ABCB1: variants seen among roughly 807,000 people sequenced by gnomAD.
ABCB1 encodes ATP binding cassette subfamily B member 1, also known as ATP-dependent translocase ABCB1.
In ABCB1, 69 loss-of-function variants were observed where a neutral mutation model predicts 142.0. The observed-to-expected ratio is 0.49, with a 90% CI of 0.40 to 0.59. The LOEUF (loss-of-function observed/expected upper bound fraction) is 0.59, where lower values mean the gene tolerates loss of function less well. Ranked by LOEUF, ABCB1 falls within the 20% of genes least tolerant of loss-of-function variation. ABCB1 has a pLI of 0.00. For missense variants in ABCB1, 1,326 were observed against 1,554.7 expected (o/e 0.85, Z 2.47); for synonymous variants, 532 against 539.2 (o/e 0.99, Z 0.18).
chr7:87,679,195 C>G (rs1826679449), intron 1 of ABCB1, among the ~76,000 whole-genome samples: 1 of 147,558 alleles, frequency 6.8e-6, no homozygotes, highest in Non-Finnish European at 1.5e-5. Flanking sequence ...TGGGTTCACA[C>G]CATTCTCCTG....
At chr7:87,533,243 C>T (rs1816140846) in intron 20 of ABCB1, among the ~76,000 whole-genome samples, 1 of 152,106 alleles carries the variant, frequency 6.6e-6, no homozygotes. Flanking sequence ...TGCTCCTGTT[C>T]TCAGTATCTA....
intron 1 of ABCB1, among the ~76,000 whole-genome samples, chr7:87,627,172 CTT>C (rs2130143063): frequency 6.6e-6 from 1 of 152,232 alleles, no homozygotes; most frequent in South Asian, 2.1e-4. Context: ...GATTTTTAAA[CTT>C]TAAAAACCTC....
intron 21 of ABCB1, among the ~76,000 whole-genome samples, chr7:87,525,755 G>T (rs1344049460): frequency 2.0e-5 from 3 of 152,104 alleles, no homozygotes; most frequent in South Asian, 2.1e-4. Flanking sequence ...TGGCAGAGGG[G>T]AAGAGGCAGA....
intron 1 of ABCB1, among the ~76,000 whole-genome samples, chr7:87,665,559 T>C (rs1448721627): frequency 2.0e-5 from 3 of 152,238 alleles, no homozygotes; most frequent in East Asian, 3.9e-4. Context: ...TAAACTTTTA[T>C]GTTCAAGGGT....
intron 8 of ABCB1, among the ~76,000 whole-genome samples, chr7:87,558,328 A>G (rs1817394566): frequency 6.6e-6 from 1 of 152,176 alleles, no homozygotes; most frequent in Non-Finnish European, 1.5e-5. Flanking sequence ...GAAATACTAT[A>G]TATTTTCTAA....
At chr7:87,565,152 A>T (rs1237243881) in intron 7 of ABCB1, among the ~76,000 whole-genome samples, 2 of 152,246 alleles carry the variant, frequency 1.3e-5, no homozygotes, top group East Asian at 3.8e-4. Context: ...TTATTTGCAG[A>T]AACAAAATAA....
intron 1 of ABCB1, among the ~76,000 whole-genome samples, chr7:87,661,976 T>G (rs2130455825): frequency 6.6e-6 from 1 of 152,248 alleles, no homozygotes; most frequent in African/African-American, 2.4e-5. Context: ...ATCATTGTAC[T>G]TTTGATTTGC....
chr7:87,620,070 G>A (rs1820170495), intron 1 of ABCB1, among the ~76,000 whole-genome samples: 1 of 152,050 alleles, frequency 6.6e-6, no homozygotes, highest in Non-Finnish European at 1.5e-5. Flanking sequence ...TCTATCCATA[G>A]GAAAAATCAA....
At chr7:87,536,640 C>T in intron 19 of ABCB1, 99 bp from the exon 20 acceptor site, 2 of 984,180 alleles carry the variant, frequency 2.0e-6, no homozygotes, top group Middle Eastern at 2.0e-4. Context: ...TACTTATACC[C>T]CCTGCATTTA....
At chr7:87,568,762 T>C (rs938335378) in intron 5 of ABCB1, among the ~76,000 whole-genome samples, 1 of 152,168 alleles carries the variant, frequency 6.6e-6, no homozygotes, top group African/African-American at 2.4e-5. Flanking sequence ...CAATAACTAA[T>C]TACTATCTAA....
chr7:87,625,168 A>G (rs1224390981), intron 1 of ABCB1, among the ~76,000 whole-genome samples: 1 of 152,150 alleles, frequency 6.6e-6, no homozygotes, highest in Non-Finnish European at 1.5e-5. Context: ...GAGGCAGGAG[A>G]ACGGCATGAA....
At chr7:87,595,684 A>G (rs1347631222) in intron 3 of ABCB1, 82 bp downstream of exon 3, 1 of 1,167,554 alleles carries the variant, frequency 8.6e-7, no homozygotes, top group Non-Finnish European at 1.3e-6. Context: ...AAAATCTTAC[A>G]TCAGATGAAA....
intron 23 of ABCB1, chr7:87,519,024 C>A (rs1174624144): frequency 4.5e-6 from 2 of 445,850 alleles, no homozygotes; most frequent in Admixed American, 7.4e-5. Flanking sequence ...TTGCTCAGGG[C>A]TAGGCTTCTT....
intron 5 of ABCB1, among the ~76,000 whole-genome samples, chr7:87,569,190 G>A (rs1036291579): frequency 6.6e-6 from 1 of 151,836 alleles, no homozygotes; most frequent in African/African-American, 2.4e-5. Context: ...AAAATTAGCT[G>A]GGTGTAGTGA....
At chr7:87,629,780 G>T (rs1821013339) in intron 1 of ABCB1, among the ~76,000 whole-genome samples, 1 of 151,928 alleles carries the variant, frequency 6.6e-6, no homozygotes, top group Admixed American at 6.6e-5. Context: ...CAAAAAATTA[G>T]CCGGGCGTGG....
rs184667375 is a variant in ABCB1 at position 87,620,619 on chromosome 7, T to C, written c.-330-19541A>G. Among the ~76,000 whole-genome samples, 170 of 152,330 alleles carry C rather than the reference T, an allele frequency of 1.1e-3. 1 individual carries two copies. Among genetic ancestry groups the C allele is most frequent in the Non-Finnish European group, 2.0e-3 (137 of 68,042 alleles). On this transcript the variant is annotated intron_variant, in intron 1 of 28. Transcript: ENST00000265724. ...ATTCTTAATGTTAAAGAGATTTACG[T>C]GTTGTTCCACTAACTTCACCATTAA...
chr7:87,561,127 G>T, intron 8 of ABCB1, 136 bp downstream of exon 8: 1 of 982,340 alleles, frequency 1.0e-6, no homozygotes, highest in Non-Finnish European at 1.5e-6. Flanking sequence ...TATTAGTTAT[G>T]CTGTAATACA....
chr7:87,630,401 T>C (rs1821096088), intron 1 of ABCB1, among the ~76,000 whole-genome samples: 1 of 152,248 alleles, frequency 6.6e-6, no homozygotes. Flanking sequence ...TAAAGTAATA[T>C]GGTATCCGTT....
chr7:87,506,522 CAACACTTA>C (rs1363145433), intron 26 of ABCB1, among the ~76,000 whole-genome samples: 1 of 152,072 alleles, frequency 6.6e-6, no homozygotes, highest in African/African-American at 2.4e-5. Context: ...AAAGTATCTC[CAACACTTA>C]AACAATTTTA....
Sources: allele counts gnomAD v4.1 joint callset (sites outside exome capture counted in the v4.1 genomes callset), GRCh38; gene constraint gnomAD v4.1.1; transcripts MANE v1.5; gene names NCBI Gene and HGNC (gene_info 2026-07-23, HGNC 2026-07-21).